The following ITPK1 variants were observed in gnomAD, a reference collection of about 807,000 sequenced individuals.
ITPK1 encodes the protein inositol 1,3,4-trisphosphate 5/6-kinase.
In ITPK1, 21 loss-of-function variants were observed where a neutral mutation model predicts 45.3. The observed-to-expected ratio is 0.46, with a 90% CI of 0.33 to 0.67. The LOEUF (loss-of-function observed/expected upper bound fraction) is 0.67, where lower values mean the gene tolerates loss of function less well. Ranked by LOEUF, ITPK1 falls within the 30% of genes least tolerant of loss-of-function variation. The pLI is 0.02. For synonymous variants in ITPK1, 258 were observed against 253.6 expected, an observed-to-expected ratio of 1.02 and a Z score of -0.16; for missense variants, 474 against 573.5, an observed-to-expected ratio of 0.83 and a Z score of 1.77.
rs778995047 is a variant in ITPK1, at chr14:93,076,552, G to T, written c.120+43C>A. 1 of 1,607,960 alleles carries T rather than the reference G, an allele frequency of 6.2e-7. No individual in the cohort carries two copies. Among genetic ancestry groups the T allele is most frequent in the Non-Finnish European group, 8.5e-7 (1 of 1,174,502 alleles). On this transcript the variant is annotated intron_variant, in intron 3 of 10. Transcript: ENST00000267615. The surrounding 1 kb of genome is among the most constrained non-coding windows in gnomAD (Gnocchi z 4.3). ...AGAGACAGAGAGGTGGGCACCAAGG[G>T]CCCCACTACCCAAAGAACCACGGGG...
At position 92,997,148 on chromosome 14, in the gene ITPK1, C is replaced by T. The variant is rs142040978; in HGVS notation, c.247-3151G>A. Among the ~76,000 whole-genome samples the T allele has an allele frequency of 3.1e-3, 472 of 152,302 alleles. 3 individuals carry two copies. The highest frequency in any genetic ancestry group is 0.011 in the African/African-American group (446 of 41,552). On this transcript the variant is annotated intron_variant, in intron 4 of 10. Coordinates refer to ENST00000267615, the MANE Select transcript of ITPK1 (RefSeq NM_014216.6). ...CCAAAAGGGGGCCAACAGCCGAGCACGTGGATGGGATGACCCAATTCTCCC... is the reference window on the plus strand; with the variant it reads ...CCAAAAGGGGGCCAACAGCCGAGCATGTGGATGGGATGACCCAATTCTCCC...
At chr14:93,098,087 G>A (rs1216887107) in intron 2 of ITPK1, among the ~76,000 whole-genome samples, 1 of 152,090 alleles carries the variant, frequency 6.6e-6, no homozygotes, top group Admixed American at 6.5e-5. Context: ...GGGAGGCCAA[G>A]GCAGGCAGAT....
intron 9 of ITPK1, 148 bp from the exon 10 acceptor site, chr14:92,946,641 G>T (rs780704061): frequency 1.3e-6 from 1 of 772,010 alleles, no homozygotes. Context: ...AGCACGGGGC[G>T]GCCACTGGCC....
chr14:92,962,339 A>T lies in ITPK1; in HGVS notation c.504+16T>A. 1 of 1,593,228 alleles carries T rather than the reference A, an allele frequency of 6.3e-7. No homozygotes were observed. Among genetic ancestry groups the T allele is most frequent in the Non-Finnish European group, 8.6e-7 (1 of 1,160,954 alleles). ...GATGGGGGTCAGGGACAACAGTCAGATCTTCTTCCACTCACCTCGTGAGAG... is the reference window on the plus strand; with the variant it reads ...GATGGGGGTCAGGGACAACAGTCAGTTCTTCTTCCACTCACCTCGTGAGAG... On this transcript the variant is annotated intron_variant, in intron 7 of 10. Coordinates refer to ENST00000267615, the MANE Select transcript of ITPK1 (RefSeq NM_014216.6).
intron 2 of ITPK1, among the ~76,000 whole-genome samples, chr14:93,087,022 A>T (rs1891677548): frequency 6.6e-6 from 1 of 152,216 alleles, no homozygotes; most frequent in African/African-American, 2.4e-5. Flanking sequence ...TTCACCCACA[A>T]GCCCTAAGAA....
At position 93,038,647 on chromosome 14, in the gene ITPK1, C is replaced by T. The variant is rs543905730; in HGVS notation, c.121-21846G>A. Among the ~76,000 whole-genome samples, 5 of 152,314 alleles carry T rather than the reference C, an allele frequency of 3.3e-5. No individual in the cohort carries two copies. In the East Asian group the frequency reaches 9.7e-4, roughly 29 times the overall value. The stretch of plus-strand genomic sequence containing the variant: ...GGTTCAAGCGATTCTCCTGCCTCAG[C>T]CTCCCATGTAGCTGGGATTACAGGC... On this transcript the variant is annotated intron_variant, in intron 3 of 10. Coordinates refer to ENST00000267615, the MANE Select transcript of ITPK1 (RefSeq NM_014216.6).
At chr14:93,033,387 G>A (rs1052410727) in intron 3 of ITPK1, among the ~76,000 whole-genome samples, 1 of 152,178 alleles carries the variant, frequency 6.6e-6, no homozygotes, top group Non-Finnish European at 1.5e-5. Flanking sequence ...CCTAACCAGA[G>A]AAGGAAGGAG....
At chr14:93,000,094 G>T (rs1160157004) in intron 4 of ITPK1, among the ~76,000 whole-genome samples, 1 of 152,232 alleles carries the variant, frequency 6.6e-6, no homozygotes, top group Non-Finnish European at 1.5e-5. Context: ...TCTTCTTTAA[G>T]ATGAAATAGT....
At chr14:92,942,137 G>A (rs1595070512) in intron 10 of ITPK1, among the ~76,000 whole-genome samples, 1 of 152,226 alleles carries the variant, frequency 6.6e-6, no homozygotes, top group East Asian at 1.9e-4. Flanking sequence ...TTGCCAGGGT[G>A]TGAGAAGCTG....
chr14:93,024,807 C>T (rs1888651682), intron 3 of ITPK1, among the ~76,000 whole-genome samples: 1 of 152,218 alleles, frequency 6.6e-6, no homozygotes, highest in African/African-American at 2.4e-5. Context: ...AAATCTCCCC[C>T]AACACCCCCA....
chr14:93,105,779 C>T (rs2140031315), intron 2 of ITPK1, among the ~76,000 whole-genome samples: 1 of 150,908 alleles, frequency 6.6e-6, no homozygotes, highest in South Asian at 2.1e-4. Flanking sequence ...TCTCGGCTCA[C>T]TGCAACATCC....
intron 3 of ITPK1, among the ~76,000 whole-genome samples, chr14:93,055,215 G>C (rs2139937195): frequency 6.6e-6 from 1 of 152,254 alleles, no homozygotes; most frequent in South Asian, 2.1e-4. Flanking sequence ...ACAGCCAATG[G>C]GCATGCGTGC....
intron 3 of ITPK1, among the ~76,000 whole-genome samples, chr14:93,065,755 C>T (rs374179230): frequency 3.3e-5 from 5 of 152,240 alleles, no homozygotes; most frequent in African/African-American, 1.2e-4. Context: ...CAGGGCAGGA[C>T]TGTTAGTAAC....
Position 93,081,132 on chromosome 14 carries a change from C to T in ITPK1, c.96-4513G>A, listed in dbSNP as rs1891418414. Reference sequence around the variant, plus strand: ...CCCAAATCACCTGAGGTCAGGAGTTCGAGACCAGCCTGGCCAACATGGTAA... The same window carrying T: ...CCCAAATCACCTGAGGTCAGGAGTTTGAGACCAGCCTGGCCAACATGGTAA... On this transcript the variant is annotated intron_variant, in intron 2 of 10. Transcript: ENST00000267615. Among the ~76,000 whole-genome samples, 4 of 151,592 alleles carry T rather than the reference C, an allele frequency of 2.6e-5. No individual in the cohort carries two copies. The South Asian group carries it at 8.3e-4, about 32-fold the overall frequency.
Position 92,939,689 on chromosome 14 carries a change from A to C in ITPK1, c.*1872T>G. On this transcript the variant is annotated 3_prime_UTR_variant, in exon 11 of 11. Coordinates refer to ENST00000267615, the MANE Select transcript of ITPK1 (RefSeq NM_014216.6). ...CTGGACGCGCAAGACCCCGGAGGCC[A>C]CAAACGGTACAGGAACACAGCCAGG... The C allele has an allele frequency of 1.0e-6, 1 of 985,334 alleles. No homozygotes were observed. The highest frequency in any genetic ancestry group is 1.2e-6 in the Non-Finnish European group (1 of 829,930). 61.0% of individuals were successfully genotyped at this position (985,334 alleles called of 1,614,324 possible).
rs1455314317 is a variant in ITPK1, at chr14:93,032,879, C to T, written c.121-16078G>A. Among the ~76,000 whole-genome samples the T allele has an allele frequency of 6.6e-6, 1 of 152,208 alleles. No homozygotes were observed. ...TGACAAAGGCCAGCACGGATCGGAT[C>T]GTGCACCCTGCAAAGCCAGCCCTTT... is the stretch of plus-strand genomic sequence containing the variant. On this transcript the variant is annotated intron_variant, in intron 3 of 10. Transcript: ENST00000267615. The surrounding 1 kb of genome is among the most constrained non-coding windows in gnomAD (Gnocchi z 4.0).
intron 3 of ITPK1, among the ~76,000 whole-genome samples, chr14:93,061,458 A>ACAGCCCC (rs959078375): frequency 6.6e-6 from 1 of 152,156 alleles, no homozygotes; most frequent in Non-Finnish European, 1.5e-5. Context: ...CGGCTAGGCT[A>ACAGCCCC]CAGCCCCCAG....
chr14:92,957,968 G>A (rs1329328233), intron 8 of ITPK1, among the ~76,000 whole-genome samples: 4 of 152,174 alleles, frequency 2.6e-5, no homozygotes, highest in Non-Finnish European at 4.4e-5. Context: ...TGGAGTCTAC[G>A]GTGGTTCAGG....
At chr14:93,094,260 G>A (rs1263372157) in intron 2 of ITPK1, among the ~76,000 whole-genome samples, 1 of 152,230 alleles carries the variant, frequency 6.6e-6, no homozygotes, top group Non-Finnish European at 1.5e-5. Context: ...TGCCCTGTGG[G>A]TGACTTAAGA....
Sources: allele counts gnomAD v4.1 joint callset (sites outside exome capture counted in the v4.1 genomes callset), GRCh38; gene constraint gnomAD v4.1.1; non-coding constraint Gnocchi (gnomAD v3.1); transcripts MANE v1.5; gene names NCBI Gene and HGNC (gene_info 2026-07-23, HGNC 2026-07-21).